Variants in AMOTL1 observed in about 807,000 individuals in gnomAD.
AMOTL1 encodes angiomotin like 1.
Under a neutral mutation model 102.9 loss-of-function variants are expected in AMOTL1, and 45 were observed. That is an observed-to-expected ratio of 0.44 (90% CI 0.34 to 0.56). The LOEUF (loss-of-function observed/expected upper bound fraction) is 0.56, where lower values mean the gene tolerates loss of function less well. Ranked by LOEUF, AMOTL1 falls within the 20% of genes least tolerant of loss-of-function variation. The pLI, the probability that AMOTL1 is intolerant of heterozygous loss-of-function variation, is 0.01. For missense variants in AMOTL1, 1,114 were observed against 1,225.6 expected (o/e 0.91, Z 1.36); for synonymous variants, 481 against 484.7 (o/e 0.99, Z 0.10).
intron 1 of AMOTL1, 76 bp downstream of exon 1, chr11:94,768,636 C>G (rs530323187): frequency 6.5e-7 from 1 of 1,546,808 alleles, no homozygotes; most frequent in Non-Finnish European, 8.7e-7. Context: ...GCCCCGGGCT[C>G]CCCGGGCCCC....
intron 6 of AMOTL1, among the ~76,000 whole-genome samples, chr11:94,842,911 A>C (rs1221814890): frequency 2.0e-5 from 3 of 152,076 alleles, no homozygotes; most frequent in Non-Finnish European, 4.4e-5. Flanking sequence ...TCCTTATTAC[A>C]TAACTCATTT....
intron 4 of AMOTL1, 94 bp from the exon 5 acceptor site, chr11:94,829,956 C>T: frequency 7.9e-7 from 1 of 1,263,922 alleles, no homozygotes; most frequent in Non-Finnish European, 1.1e-6. Flanking sequence ...ATTGAAGATA[C>T]AGCCTTCACA....
At chr11:94,859,413 T>G (rs1952730017) in intron 8 of AMOTL1, 112 bp from the exon 9 acceptor site, 4 of 1,026,406 alleles carry the variant, frequency 3.9e-6, no homozygotes, top group Non-Finnish European at 5.5e-6. Context: ...TGAAGTAGCA[T>G]GGTGTGTGAA....
chr11:94,714,385 A>G lies in AMOTL1; in HGVS notation c.-51+7788A>G, dbSNP rs547490806. On this transcript the variant is annotated intron_variant, in intron 1 of 4. Coordinates refer to the AMOTL1 transcript ENST00000299004. ...GTGTCTGGTTTCATATCAAGGTAGTACTGGCCTCATAAAATGAGTTAGAAA... is the reference window on the plus strand; with the variant it reads ...GTGTCTGGTTTCATATCAAGGTAGTGCTGGCCTCATAAAATGAGTTAGAAA... Among the ~76,000 whole-genome samples, 6 of 152,200 alleles carry G rather than the reference A, an allele frequency of 3.9e-5. No individual in the cohort carries two copies. The South Asian group carries it at 1.2e-3, about 32-fold the overall frequency.
At chr11:94,853,718 A>G (rs1156844288) in intron 7 of AMOTL1, among the ~76,000 whole-genome samples, 1 of 152,218 alleles carries the variant, frequency 6.6e-6, no homozygotes, top group Non-Finnish European at 1.5e-5. Flanking sequence ...AGAGTCTTCA[A>G]TTTCATACAT....
chr11:94,830,799 A>C (rs1952054038), intron 5 of AMOTL1, among the ~76,000 whole-genome samples: 1 of 152,218 alleles, frequency 6.6e-6, no homozygotes. Flanking sequence ...AGCCATTTTC[A>C]GTTGCTTCAT....
In AMOTL1 at chr11:94,840,630, A is replaced by T. The variant is rs1318269084; in HGVS notation, c.1648+9089A>T. On this transcript the variant is annotated intron_variant, in intron 6 of 12. Coordinates refer to ENST00000433060, the MANE Select transcript of AMOTL1 (RefSeq NM_130847.3). ...AAGCTTTGATTAAGCCATATCTGCCATTCAGAGGGGCCACTTAAAAAACGT... is the reference window on the plus strand; with the variant it reads ...AAGCTTTGATTAAGCCATATCTGCCTTTCAGAGGGGCCACTTAAAAAACGT... Among the ~76,000 whole-genome samples the T allele has an allele frequency of 5.5e-5, 8 of 146,774 alleles. 1 individual carries two copies. The highest frequency in any genetic ancestry group is 1.0e-4 in the Non-Finnish European group (7 of 67,214).
In AMOTL1 at chr11:94,792,229, C is replaced by A. The variant is rs186162760; in HGVS notation, c.50-2782C>A. ...GCAAACTATCGCAAGGACAGGAAAC[C>A]AAACACCACATGTTCTCACTCATAG... On this transcript the variant is annotated intron_variant, in intron 1 of 12. Coordinates refer to ENST00000433060, the MANE Select transcript of AMOTL1 (RefSeq NM_130847.3). 8.9e-3 allele frequency among the ~76,000 whole-genome samples: 1,349 copies of A among 152,232 alleles called. 10 individuals are homozygous for A. The highest frequency in any genetic ancestry group is 0.015 in the South Asian group (70 of 4,822).
At chr11:94,830,983 T>C (rs1592011115) in intron 5 of AMOTL1, among the ~76,000 whole-genome samples, 1 of 152,266 alleles carries the variant, frequency 6.6e-6, no homozygotes, top group East Asian at 1.9e-4. Flanking sequence ...TAGAACTTGC[T>C]GTGTACAGTC....
At chr11:94,746,379 C>T (rs1271124221) in intron 3 of AMOTL1, among the ~76,000 whole-genome samples, 1 of 152,118 alleles carries the variant, frequency 6.6e-6, no homozygotes, top group East Asian at 1.9e-4. Context: ...CAGATGTGAC[C>T]ATGTCTGCCC....
intron 2 of AMOTL1, among the ~76,000 whole-genome samples, chr11:94,737,597 A>G (rs987608272): frequency 6.6e-6 from 1 of 152,234 alleles, no homozygotes; most frequent in Non-Finnish European, 1.5e-5. Flanking sequence ...TGGAACAGGT[A>G]TTAGAACCCA....
chr11:94,791,914 G>A (rs2135553848), intron 1 of AMOTL1, among the ~76,000 whole-genome samples: 1 of 152,316 alleles, frequency 6.6e-6, no homozygotes, highest in South Asian at 2.1e-4. Context: ...AATTAAAATA[G>A]GCAGGGAAGG....
chr11:94,832,311 CA>C (rs1952088733), intron 6 of AMOTL1, among the ~76,000 whole-genome samples: 1 of 152,106 alleles, frequency 6.6e-6, no homozygotes, highest in African/African-American at 2.4e-5. Context: ...TTCAGAACAA[CA>C]AAAAGTAATG....
Position 94,799,793 on chromosome 11 carries a change from C to A in AMOTL1, c.603C>A (p.Phe201Leu). 1 of 1,600,868 alleles carries A rather than the reference C, an allele frequency of 6.2e-7. No homozygotes were observed. Among genetic ancestry groups the A allele is most frequent in the Non-Finnish European group, 8.5e-7 (1 of 1,172,764 alleles). ...AGGCCAAAGCACAGTCGCAGTTCTT[C>A]AGGGGGCAGCAGCAGCAGCAACAGC... Reference protein sequence around the residue: ...YEEAKAQSQFFRGQQQQQQQQ... With the variant: ...YEEAKAQSQFLRGQQQQQQQQ... The change falls in exon 3 of 13, where the codon TTC becomes TTA. Residue 201 changes from phenylalanine (F) to leucine (L), a missense_variant. Phe to Leu is a conservative substitution (Grantham distance 22, BLOSUM62 0). Coordinates refer to ENST00000433060, the MANE Select transcript of AMOTL1 (RefSeq NM_130847.3). This position sits in a 1 kb window ranked among gnomAD's most constrained non-coding sequence, Gnocchi z 4.5.
intron 6 of AMOTL1, among the ~76,000 whole-genome samples, chr11:94,839,355 A>G (rs887537305): frequency 3.3e-5 from 5 of 152,250 alleles, no homozygotes; most frequent in African/African-American, 1.2e-4. Flanking sequence ...TGTCTCTTTT[A>G]CTGTTCCAAA....
At chr11:94,850,288 G>A in intron 7 of AMOTL1, 29 bp downstream of exon 7, 1 of 1,576,784 alleles carries the variant, frequency 6.3e-7, no homozygotes, top group Non-Finnish European at 8.6e-7. Context: ...GATTTGGTGG[G>A]GAAGAGGGCA....
chr11:94,813,321 T>G (rs1951713854), intron 3 of AMOTL1, among the ~76,000 whole-genome samples: 1 of 152,210 alleles, frequency 6.6e-6, no homozygotes, highest in African/African-American at 2.4e-5. Context: ...CAGGCCTTGC[T>G]TGGTAACTGA....
At chr11:94,721,322 G>A (rs1302089311) in intron 1 of AMOTL1, among the ~76,000 whole-genome samples, 1 of 151,884 alleles carries the variant, frequency 6.6e-6, no homozygotes, top group Non-Finnish European at 1.5e-5. Flanking sequence ...TGTTAAAATA[G>A]TATTGTGACT....
chr11:94,800,939 C>T lies in AMOTL1; in HGVS notation c.1121+628C>T, dbSNP rs1473912501. The stretch of plus-strand genomic sequence containing the variant: ...TCTTCCAGTTGATTGATGGATTCAG[C>T]AGCACCTACTGAGTGTATGCTGTAC... On this transcript the variant is annotated intron_variant, in intron 3 of 12. Coordinates refer to ENST00000433060, the MANE Select transcript of AMOTL1 (RefSeq NM_130847.3). Among the ~76,000 whole-genome samples the T allele has an allele frequency of 2.0e-5, 3 of 152,198 alleles. No homozygotes were observed. The East Asian group carries it at 5.8e-4, about 29-fold the overall frequency.
Sources: gnomAD v4.1 joint callset for allele counts (sites outside exome capture counted in the v4.1 genomes callset) on GRCh38, gnomAD v4.1.1 for gene constraint, Gnocchi (gnomAD v3.1) non-coding constraint, MANE v1.5 for transcripts, NCBI Gene and HGNC (gene_info 2026-07-23, HGNC 2026-07-21) for gene names.